NEK5: variants seen among roughly 807,000 people sequenced by gnomAD.
NEK5 encodes the protein NIMA related kinase 5, also known as serine/threonine-protein kinase Nek5.
In NEK5, 88 loss-of-function variants were observed where a neutral mutation model predicts 109.2. That is an observed-to-expected ratio of 0.81 (90% CI 0.68 to 0.96). NEK5 has a LOEUF of 0.96. Ranked by LOEUF, NEK5 falls within the 40% of genes least tolerant of loss-of-function variation. The pLI is 0.00. For synonymous variants in NEK5, 283 were observed against 299.9 expected (o/e 0.94, Z 0.58); for missense variants, 834 against 920.7 (o/e 0.91, Z 1.22).
chr13:52,089,063 C>T (rs573116703), intron 14 of NEK5, among the ~76,000 whole-genome samples, 184 bp downstream of exon 14: 1 of 151,120 alleles, frequency 6.6e-6, no homozygotes, highest in South Asian at 2.1e-4. Context: ...TGCACTCCAG[C>T]CTGGTGACAG....
intron 4 of NEK5, among the ~76,000 whole-genome samples, chr13:52,112,732 C>T (rs1955781457): frequency 6.6e-6 from 1 of 152,040 alleles, no homozygotes; most frequent in Non-Finnish European, 1.5e-5. Flanking sequence ...TTCATAACAC[C>T]CCAGGAAGAA....
chr13:52,127,950 A>G (rs1956100503), intron 1 of NEK5, among the ~76,000 whole-genome samples: 1 of 152,028 alleles, frequency 6.6e-6, no homozygotes, highest in Non-Finnish European at 1.5e-5. Flanking sequence ...CTGGAAATAT[A>G]TGGGGGTGGG....
At chr13:52,109,645 C>A (rs1326020004) in intron 7 of NEK5, among the ~76,000 whole-genome samples, 1 of 152,126 alleles carries the variant, frequency 6.6e-6, no homozygotes, top group Non-Finnish European at 1.5e-5. Flanking sequence ...CTCTCTGAGG[C>A]CTGCTACTTG....
chr13:52,118,713 C>G (rs982890389), intron 4 of NEK5, among the ~76,000 whole-genome samples: 17 of 152,208 alleles, frequency 1.1e-4, no homozygotes, highest in African/African-American at 4.1e-4. Context: ...TGGCAGTGTG[C>G]TAGGCTATGG....
rs1246114759 is a variant in NEK5, at chr13:52,033,852, G to GTCAA, written c.*3092_*3095dup. The GTCAA allele has an allele frequency of 6.6e-6, 1 of 152,206 alleles. No homozygotes were observed. Among genetic ancestry groups the GTCAA allele is most frequent in the South Asian group, 2.1e-4 (1 of 4,828 alleles). 9.4% of individuals were successfully genotyped at this position (152,206 alleles called of 1,614,324 possible). ...ATGAGAGGATGTCTGTGCCAAATCT[G>GTCAA]TCAATCAGTACAATAGAAAAGTTAA... On this transcript the variant is annotated 3_prime_UTR_variant, in exon 24 of 24. Coordinates refer to ENST00000684899, the MANE Select transcript of NEK5 (RefSeq NM_001365552.1).
At chr13:52,095,849 TG>T (rs1955400935) in intron 12 of NEK5, among the ~76,000 whole-genome samples, 1 of 152,206 alleles carries the variant, frequency 6.6e-6, no homozygotes, top group South Asian at 2.1e-4. Flanking sequence ...TGTCTCAGCC[TG>T]GGAGGTCGAG....
At position 52,102,646 on chromosome 13, in the gene NEK5, T is replaced by A. The variant is rs149511164; in HGVS notation, c.610-354A>T. Among the ~76,000 whole-genome samples the A allele has an allele frequency of 8.1e-4, 124 of 152,300 alleles. 1 individual carries two copies. Among genetic ancestry groups the A allele is most frequent in the African/African-American group, 2.8e-3 (118 of 41,570 alleles). ...CGGTCAAAGCTGCAGTAAGCCGTGA[T>A]TGCGTCACTGCACTCCAGCCTGGGT... is the stretch of plus-strand genomic sequence containing the variant. On this transcript the variant is annotated intron_variant, in intron 9 of 23. Coordinates refer to ENST00000684899, the MANE Select transcript of NEK5 (RefSeq NM_001365552.1).
chr13:52,082,507 A>G (rs1282759497), intron 17 of NEK5, among the ~76,000 whole-genome samples: 3 of 152,230 alleles, frequency 2.0e-5, no homozygotes, highest in Non-Finnish European at 4.4e-5. Context: ...CAGGTTTAAT[A>G]ATTCTCAGAA....
rs144760430 is a variant in NEK5, at chr13:52,086,315, T to C, written c.1441A>G (p.Met481Val). ...CCCATCTTCTTTCTAATTTCTTTCA[T>C]GTCATTGTGGTACTGTTGGCGTATT... Reference protein sequence around the residue: ...EEIRQQYHNDMKEIRKKMGRE... With the variant: ...EEIRQQYHNDVKEIRKKMGRE... Residue 481 changes from methionine (M) to valine (V), a missense_variant, in exon 16 of 24, where the codon ATG (methionine) becomes GTG (valine). Physicochemically the swap from Met to Val is conservative, Grantham distance 21. This residue lies in a region of NEK5 where 777 missense variants were observed against 824.7 expected (regional missense o/e 0.94). Transcript: ENST00000684899. 8.1e-6 allele frequency: 13 copies of C among 1,612,810 alleles called. No homozygotes were observed. The Admixed American group carries it at 1.7e-4, about 21-fold the overall frequency.
intron 11 of NEK5, 39 bp downstream of exon 11, chr13:52,101,894 T>C (rs755790391): frequency 1.4e-6 from 2 of 1,476,750 alleles, no homozygotes; most frequent in Middle Eastern, 1.7e-4. Context: ...GAGACATGTG[T>C]AATAAATACT....
At chr13:52,039,733 T>C (rs1336349748) in intron 23 of NEK5, among the ~76,000 whole-genome samples, 3 of 152,234 alleles carry the variant, frequency 2.0e-5, no homozygotes, top group African/African-American at 7.2e-5. Flanking sequence ...TATCTGCACC[T>C]ATTCTGTTTT....
At chr13:52,079,207 G>T (rs1209047370) in intron 17 of NEK5, among the ~76,000 whole-genome samples, 1 of 148,268 alleles carries the variant, frequency 6.7e-6, no homozygotes, top group Non-Finnish European at 1.5e-5. Context: ...TTTCAGTAGA[G>T]AAATAAGCAT....
At chr13:52,125,460 G>A (rs1394235512) in intron 3 of NEK5, among the ~76,000 whole-genome samples, 1 of 152,222 alleles carries the variant, frequency 6.6e-6, no homozygotes, top group Non-Finnish European at 1.5e-5. Flanking sequence ...CTACTCGGGA[G>A]GCTGAGGCAG....
rs1024757095 is a variant in NEK5, at chr13:52,055,468, G to A, written c.2111-5247C>T. On this transcript the variant is annotated intron_variant, in intron 22 of 23. Transcript: ENST00000684899. ...AGAGAACACCACAAAGATACTCCTC[G>A]AGAAGAGCAACTCCAAGACACATAA... 4.9e-4 allele frequency among the ~76,000 whole-genome samples: 75 copies of A among 152,162 alleles called. 1 individual carries two copies. In the East Asian group the frequency reaches 0.012, roughly 25 times the overall value.
At chr13:52,075,946 C>T in intron 18 of NEK5, 117 bp downstream of exon 18, 1 of 894,790 alleles carries the variant, frequency 1.1e-6, no homozygotes, top group South Asian at 1.7e-5. Flanking sequence ...TCTCATATCA[C>T]AAAATAGAGC....
At chr13:52,089,351 G>A in intron 13 of NEK5, 38 bp from the exon 14 acceptor site, 1 of 1,362,130 alleles carries the variant, frequency 7.3e-7, no homozygotes, top group Non-Finnish European at 1.0e-6. Context: ...GTAGAAACTT[G>A]AACAAATCTT....
At chr13:52,052,706 T>C (rs1954518458) in intron 22 of NEK5, among the ~76,000 whole-genome samples, 1 of 150,704 alleles carries the variant, frequency 6.6e-6, no homozygotes, top group Admixed American at 6.6e-5. Flanking sequence ...ATAAAGGAAA[T>C]CTTCATTTGT....
intron 5 of NEK5, 83 bp downstream of exon 5, chr13:52,112,185 A>C: frequency 1.5e-6 from 1 of 651,350 alleles, no homozygotes; most frequent in Non-Finnish European, 2.7e-6. Flanking sequence ...ATATCAACAT[A>C]GTCTACTACT....
intron 12 of NEK5, among the ~76,000 whole-genome samples, chr13:52,099,151 C>T (rs1327017903): frequency 1.3e-5 from 2 of 152,146 alleles, no homozygotes; most frequent in Non-Finnish European, 2.9e-5. Context: ...CATTGCTTGC[C>T]TGTATCAAAA....
Sources: allele counts gnomAD v4.1 joint callset (sites outside exome capture counted in the v4.1 genomes callset), GRCh38; gene constraint gnomAD v4.1.1; regional missense constraint gnomAD v4.1.1; transcripts MANE v1.5; gene names NCBI Gene and HGNC (gene_info 2026-07-23, HGNC 2026-07-21).